The following SMARCA2 variants were observed in gnomAD, a reference collection of about 807,000 sequenced individuals.
SMARCA2 encodes the protein SWI/SNF related BAF chromatin remodeling complex subunit ATPase 2.
SMARCA2 carries 61 observed loss-of-function variants against 199.8 expected under a neutral mutation model. That is an observed-to-expected ratio of 0.31 (90% CI 0.25 to 0.38). SMARCA2 has a LOEUF of 0.38. SMARCA2 is among the 10% of genes least tolerant of loss of function. The pLI is 1.00. For missense variants in SMARCA2, 1,344 were observed against 2,012.2 expected, an observed-to-expected ratio of 0.67 and a Z score of 6.35; for synonymous variants, 935 against 732.0, an observed-to-expected ratio of 1.28 and a Z score of -4.48.
chr9:2,042,334 G>C (rs1819641896), intron 4 of SMARCA2: 1 of 152,200 alleles, frequency 6.6e-6, no homozygotes, highest in Non-Finnish European at 1.5e-5. Context: ...CTGGGATGAT[G>C]TGTTCTGGGT....
At chr9:2,187,884 G>A (rs555855307) in intron 32 of SMARCA2, among the ~76,000 whole-genome samples, 1 of 152,094 alleles carries the variant, frequency 6.6e-6, no homozygotes, top group East Asian at 1.9e-4. Context: ...TTTGAGACAA[G>A]CCTGATCAAT....
intron 3 of SMARCA2, among the ~76,000 whole-genome samples, chr9:2,038,155 T>C (rs575484583): frequency 6.6e-6 from 1 of 152,356 alleles, no homozygotes; most frequent in Non-Finnish European, 1.5e-5. Flanking sequence ...TATTAGATCA[T>C]GGAAAGGGCA....
intron 21 of SMARCA2, among the ~76,000 whole-genome samples, chr9:2,097,764 C>T (rs1244129480): frequency 6.6e-6 from 1 of 152,072 alleles, no homozygotes; most frequent in African/African-American, 2.4e-5. Context: ...TGGGTAAGTA[C>T]TGTGAATTAC....
At chr9:2,097,909 T>C (rs1457562606) in intron 21 of SMARCA2, among the ~76,000 whole-genome samples, 2 of 152,280 alleles carry the variant, frequency 1.3e-5, no homozygotes, top group East Asian at 3.8e-4. Flanking sequence ...ATATTTTCTT[T>C]GTAAAAGACA....
chr9:2,170,640 A>C lies in SMARCA2; in HGVS notation c.4253+168A>C, dbSNP rs1469672025. ...GCACAGATACTCTTAAACAGCTGTC[A>C]TGGCTTCTGAAGTTGTTGGTGCTGT... is the stretch of plus-strand genomic sequence containing the variant. On this transcript the variant is annotated intron_variant, in intron 29 of 33. Transcript: ENST00000349721. The surrounding 1 kb of genome is among the most constrained non-coding windows in gnomAD (Gnocchi z 4.7). Among the ~76,000 whole-genome samples, 1 of 152,174 alleles carries C rather than the reference A, an allele frequency of 6.6e-6. No individual in the cohort carries two copies. The highest frequency in any genetic ancestry group is 2.1e-4 in the South Asian group (1 of 4,830).
Position 2,039,853 on chromosome 9 carries a change from C to T in SMARCA2, c.743C>T (p.Thr248Met), listed in dbSNP as rs1272801026. The change falls in exon 4 of 34, where the codon ACG (threonine) becomes ATG (methionine). Residue 248 changes from threonine (T) to methionine (M), a missense_variant. Physicochemically the swap from Thr to Met is moderately conservative, Grantham distance 81. Around this residue, in one of 18 missense-constraint regions of SMARCA2, gnomAD observed 117 missense variants for 99.1 expected, o/e 1.18. Transcript: ENST00000349721. The surrounding 1 kb of genome is among the most constrained non-coding windows in gnomAD (Gnocchi z 4.8). The part of the protein sequence containing the change: ...QPQQQPPQPQ[T>M]QQQQQPALVN... ...CAGCAGCAGCCGCCGCAACCACAGACGCAGCAACAACAGCAGCCGGCCCTT... is the reference window on the plus strand; with the variant it reads ...CAGCAGCAGCCGCCGCAACCACAGATGCAGCAACAACAGCAGCCGGCCCTT... The T allele has an allele frequency of 9.3e-6, 15 of 1,613,336 alleles. No individual in the cohort carries two copies. The highest frequency in any genetic ancestry group is 1.7e-4 in the Middle Eastern group (1 of 6,060).
In SMARCA2 at chr9:2,161,253, G is replaced by A. The variant is rs952154559; in HGVS notation, c.3982-433G>A. 2.0e-5 allele frequency among the ~76,000 whole-genome samples: 3 copies of A among 152,156 alleles called. No individual in the cohort carries two copies. Among genetic ancestry groups the A allele is most frequent in the African/African-American group, 4.8e-5 (2 of 41,424 alleles). On this transcript the variant is annotated intron_variant, in intron 27 of 33. Transcript: ENST00000349721. The surrounding 1 kb of genome is among the most constrained non-coding windows in gnomAD (Gnocchi z 4.7). ...AAAAGGTCAAAGCTTATATGATCGT[G>A]TGGATGTATTCTTAGGGATTGTTTT...
chr9:2,188,556 G>C (rs1179647032), intron 32 of SMARCA2, among the ~76,000 whole-genome samples: 1 of 152,086 alleles, frequency 6.6e-6, no homozygotes, highest in African/African-American at 2.4e-5. Flanking sequence ...TTATTTTAGA[G>C]CCAGATTTCT....
intron 22 of SMARCA2, among the ~76,000 whole-genome samples, chr9:2,102,055 A>C (rs1822540103): frequency 6.6e-6 from 1 of 152,256 alleles, no homozygotes; most frequent in East Asian, 1.9e-4. Context: ...TCTGTGTAAG[A>C]AATGTTTTTC....
chr9:2,131,642 A>C (rs1422665835), intron 27 of SMARCA2, among the ~76,000 whole-genome samples: 1 of 152,180 alleles, frequency 6.6e-6, no homozygotes, highest in Non-Finnish European at 1.5e-5. Context: ...TGACTACTAA[A>C]ATAATTTTGG....
In SMARCA2 at chr9:2,161,549, T is replaced by A; in HGVS notation, c.3982-137T>A. ...TTTTTCTTCTTCCTCCACTGATTAC[T>A]GTTAACTTTTACTTTTTTTTGGTTA... is the stretch of plus-strand genomic sequence containing the variant. On this transcript the variant is annotated intron_variant, in intron 27 of 33. Transcript: ENST00000349721. The surrounding 1 kb of genome is among the most constrained non-coding windows in gnomAD (Gnocchi z 4.7). The A allele has an allele frequency of 1.6e-6, 1 of 630,402 alleles. No homozygotes were observed. The highest frequency in any genetic ancestry group is 2.8e-6 in the Non-Finnish European group (1 of 361,164). 39.1% of individuals were successfully genotyped at this position (630,402 alleles called of 1,614,324 possible).
At chr9:2,188,129 G>C (rs933773136) in intron 32 of SMARCA2, among the ~76,000 whole-genome samples, 1 of 151,914 alleles carries the variant, frequency 6.6e-6, no homozygotes, top group African/African-American at 2.4e-5. Context: ...AATGATTTTT[G>C]TACTTATTAT....
intron 7 of SMARCA2, among the ~76,000 whole-genome samples, 192 bp downstream of exon 7, chr9:2,057,037 T>C (rs555273999): frequency 6.6e-6 from 1 of 152,278 alleles, no homozygotes; most frequent in Admixed American, 6.5e-5. Context: ...CCAGGACGTA[T>C]AAATGACTGC....
Position 2,159,559 on chromosome 9 carries a change from C to T in SMARCA2, c.3982-2127C>T, listed in dbSNP as rs150861376. The T allele has an allele frequency of 2.3e-4, 77 of 340,580 alleles. No homozygotes were observed. The East Asian group carries it at 3.4e-3, about 15-fold the overall frequency. 21.1% of individuals were successfully genotyped at this position (340,580 alleles called of 1,614,324 possible). The stretch of plus-strand genomic sequence containing the variant: ...TCTTACTGGCTTAATTGTTAAAATG[C>T]GAGCAAGACTCAGAAACCATCTGAG... On this transcript the variant is annotated intron_variant, in intron 27 of 33. Coordinates refer to ENST00000349721, the MANE Select transcript of SMARCA2 (RefSeq NM_003070.5).
chr9:2,111,538 C>T (rs1823004773), intron 24 of SMARCA2, among the ~76,000 whole-genome samples: 1 of 150,910 alleles, frequency 6.6e-6, no homozygotes, highest in East Asian at 1.9e-4. Flanking sequence ...TGGCAACTCT[C>T]ACGTAGGAGT....
In SMARCA2 at chr9:2,176,182, GTTTT is replaced by G. The variant is rs56186732; in HGVS notation, c.4254-5371_4254-5368del. On this transcript the variant is annotated intron_variant, in intron 29 of 33. Coordinates refer to ENST00000349721, the MANE Select transcript of SMARCA2 (RefSeq NM_003070.5). ...AGGCATGAGCCACCGCGCCCGGCCTGTTTTTTTTTTTTTTTTTTTTTATAATGAC... is the reference window on the plus strand; with the variant it reads ...AGGCATGAGCCACCGCGCCCGGCCTGTTTTTTTTTTTTTTTTTATAATGAC... 1.9e-3 allele frequency among the ~76,000 whole-genome samples: 203 copies of G among 104,142 alleles called. 2 individuals carry two copies. The highest frequency in any genetic ancestry group is 0.017 in the South Asian group (56 of 3,316). 68.3% of individuals were successfully genotyped at this position (104,142 alleles called of 152,430 possible). A position where few individuals can be genotyped will look rare whatever the true frequency, so the allele number is the denominator to read the frequency against.
intron 1 of SMARCA2, chr9:2,022,237 C>G (rs1259181466): frequency 6.6e-6 from 1 of 152,076 alleles, no homozygotes; most frequent in African/African-American, 2.4e-5. Flanking sequence ...GATTCAAGTC[C>G]AGAGTGGGAA....
chr9:2,065,282 G>C lies in SMARCA2; in HGVS notation c.1692+4296G>C, dbSNP rs566905806. On this transcript the variant is annotated intron_variant, in intron 9 of 33. Coordinates refer to ENST00000349721, the MANE Select transcript of SMARCA2 (RefSeq NM_003070.5). ...ATTCTCCCTTCCACATCTTTCAGTG[G>C]GATGTATACCAGCAGAACTATTCTT... is the stretch of plus-strand genomic sequence containing the variant. Among the ~76,000 whole-genome samples the C allele has an allele frequency of 2.7e-4, 41 of 152,298 alleles. 1 individual carries two copies. In the South Asian group the frequency reaches 8.5e-3, roughly 32 times the overall value.
chr9:2,130,142 C>A (rs1823875880), intron 27 of SMARCA2, among the ~76,000 whole-genome samples: 2 of 152,228 alleles, frequency 1.3e-5, no homozygotes, highest in South Asian at 4.1e-4. Flanking sequence ...GCATGAGCCA[C>A]CATGCCCAGC....
Sources: gnomAD v4.1 joint callset for allele counts (sites outside exome capture counted in the v4.1 genomes callset) on GRCh38, gnomAD v4.1.1 for gene constraint, gnomAD v4.1.1 regional missense constraint, Gnocchi (gnomAD v3.1) non-coding constraint, MANE v1.5 for transcripts, NCBI Gene and HGNC (gene_info 2026-07-23, HGNC 2026-07-21) for gene names.